MAF: variants seen among roughly 807,000 people sequenced by gnomAD.
The protein encoded by MAF is transcription factor Maf.
Under a neutral mutation model 22.0 loss-of-function variants are expected in MAF, and 10 were observed. The ratio of observed to expected loss-of-function variants is 0.45; its 90% CI spans 0.28 to 0.77. The LOEUF (loss-of-function observed/expected upper bound fraction) is 0.77. Ranked by LOEUF, MAF falls within the 30% of genes least tolerant of loss-of-function variation. MAF has a pLI of 0.12. For missense variants in MAF, 544 were observed against 548.4 expected (o/e 0.99, Z 0.08); for synonymous variants, 337 against 255.8 (o/e 1.32, Z -3.03).
the MAF span, among the ~76,000 whole-genome samples, chr16:79,338,480 C>T: frequency 6.6e-6 from 1 of 152,194 alleles, no homozygotes; most frequent in Non-Finnish European, 1.5e-5. Flanking sequence ...CAGCAACAAT[C>T]TACTATGCTT....
At chr16:79,431,756 T>C in the MAF span, among the ~76,000 whole-genome samples, 4 of 152,236 alleles carry the variant, frequency 2.6e-5, no homozygotes, top group African/African-American at 9.6e-5. Context: ...ATCAGGACTT[T>C]TCTGCACAGA....
the MAF span, among the ~76,000 whole-genome samples, chr16:79,532,339 T>G: frequency 6.6e-6 from 1 of 152,172 alleles, no homozygotes; most frequent in Non-Finnish European, 1.5e-5. Context: ...AGACAAATAT[T>G]TTATGCAAAT....
chr16:79,212,281 CTG>C, the MAF span: 2 of 1,171,100 alleles, frequency 1.7e-6, no homozygotes, highest in South Asian at 3.4e-5. Context: ...CTGACCAAGA[CTG>C]AGCCAGCTTA....
chr16:79,352,571 C>T, the MAF span, among the ~76,000 whole-genome samples: 1 of 152,214 alleles, frequency 6.6e-6, no homozygotes, highest in East Asian at 1.9e-4. Context: ...CAATAAACCT[C>T]AGCAGCTAAG....
chr16:79,564,632 C>T, the MAF span, among the ~76,000 whole-genome samples: 1 of 152,196 alleles, frequency 6.6e-6, no homozygotes. Context: ...CTGTGGCAGC[C>T]CACAGTGGTC....
chr16:79,339,838 T>C, the MAF span, among the ~76,000 whole-genome samples: 2 of 152,214 alleles, frequency 1.3e-5, no homozygotes, highest in African/African-American at 4.8e-5. Flanking sequence ...AACAAGATTA[T>C]CTCTTTGAGG....
chr16:79,356,096 C>T, the MAF span, among the ~76,000 whole-genome samples: 1 of 152,052 alleles, frequency 6.6e-6, no homozygotes. Flanking sequence ...TACACACCCA[C>T]ACGTGCATTC....
At chr16:79,468,624 G>A in the MAF span, among the ~76,000 whole-genome samples, 1 of 152,192 alleles carries the variant, frequency 6.6e-6, no homozygotes, top group Non-Finnish European at 1.5e-5. Flanking sequence ...GCTCACCCTG[G>A]GCAGGCCAGG....
chr16:79,311,166 C>G, the MAF span, among the ~76,000 whole-genome samples: 1 of 152,060 alleles, frequency 6.6e-6, no homozygotes. Context: ...TCCCGCAGCC[C>G]TCTCTCTGGG....
chr16:79,213,697 G>T, the MAF span, among the ~76,000 whole-genome samples: 1 of 152,214 alleles, frequency 6.6e-6, no homozygotes, highest in Non-Finnish European at 1.5e-5. Flanking sequence ...CAGTTAGTTA[G>T]TTAGACATGT....
the MAF span, among the ~76,000 whole-genome samples, chr16:79,206,906 G>T: frequency 2.0e-5 from 3 of 152,220 alleles, no homozygotes; most frequent in Non-Finnish European, 4.4e-5. Context: ...CTCTTGGATA[G>T]TGAGTAGGGA....
chr16:79,253,954 G>A, the MAF span, among the ~76,000 whole-genome samples: 1 of 151,790 alleles, frequency 6.6e-6, no homozygotes, highest in Non-Finnish European at 1.5e-5. Context: ...TTCTTGCCAT[G>A]CAGTTGTCCC....
the MAF span, among the ~76,000 whole-genome samples, chr16:79,441,278 T>G: frequency 6.6e-6 from 1 of 152,224 alleles, no homozygotes; most frequent in Non-Finnish European, 1.5e-5. Context: ...TTTCCTATGC[T>G]GGGAAGGCAA....
the MAF span, among the ~76,000 whole-genome samples, chr16:79,296,437 G>C: frequency 6.6e-6 from 1 of 152,074 alleles, no homozygotes; most frequent in African/African-American, 2.4e-5. Flanking sequence ...CCTAGGTGAT[G>C]GATTGATAAG....
chr16:79,271,417 C>T, the MAF span, among the ~76,000 whole-genome samples: 6 of 152,236 alleles, frequency 3.9e-5, no homozygotes, highest in African/African-American at 1.2e-4. Context: ...TGCACAAATG[C>T]CCGGTAACCT....
At chr16:79,539,862 A>G in the MAF span, among the ~76,000 whole-genome samples, 2 of 152,250 alleles carry the variant, frequency 1.3e-5, no homozygotes, top group East Asian at 3.8e-4. Context: ...TCCATTGCAA[A>G]AAGATTCTCC....
At chr16:79,557,016 C>T in the MAF span, among the ~76,000 whole-genome samples, 14,765 of 150,474 alleles carry the variant, frequency 0.098, 1,183 homozygotes, top group East Asian at 0.43. Flanking sequence ...CAGGGGCTTG[C>T]TATGTTGCCC....
At chr16:79,596,684 C>G (rs1416663266) in intron 1 of MAF, 8 of 1,037,846 alleles carry the variant, frequency 7.7e-6, no homozygotes, top group Non-Finnish European at 8.1e-6. Flanking sequence ...CTTTTCATTT[C>G]TTTTTAAAGA....
chr16:79,525,266 T>C, the MAF span, among the ~76,000 whole-genome samples: 1 of 152,148 alleles, frequency 6.6e-6, no homozygotes, highest in South Asian at 2.1e-4. Context: ...CCTCCCCCAA[T>C]GCCTGGGATG....
Sources: gnomAD v4.1 joint callset for allele counts (sites outside exome capture counted in the v4.1 genomes callset) on GRCh38, gnomAD v4.1.1 for gene constraint, MANE v1.5 for transcripts, NCBI Gene and HGNC (gene_info 2026-07-23, HGNC 2026-07-21) for gene names.